ANO2: variants seen among roughly 807,000 people sequenced by gnomAD.
ANO2 encodes the protein anoctamin-2.
Under a neutral mutation model 124.2 loss-of-function variants are expected in ANO2, and 101 were observed. The ratio of observed to expected loss-of-function variants is 0.81; its 90% confidence interval spans 0.69 to 0.96. ANO2 has a LOEUF of 0.96. Ranked by LOEUF, ANO2 falls within the 40% of genes least tolerant of loss-of-function variation. The probability of loss-of-function intolerance (pLI) is 0.00; values close to 1 mark genes in which losing one functional copy is unlikely to be tolerated. For missense variants in ANO2, 1,293 were observed against 1,274.5 expected, an observed-to-expected ratio of 1.01 and a Z score of -0.22; for synonymous variants, 486 against 482.5, an observed-to-expected ratio of 1.01 and a Z score of -0.09.
At chr12:5,827,966 G>T in intron 6 of ANO2, 146 bp from the exon 7 acceptor site, 1 of 799,782 alleles carries the variant, frequency 1.3e-6, no homozygotes, top group Non-Finnish European at 2.0e-6. Context: ...CTGGCTCATG[G>T]CCCGCACATC....
At chr12:5,708,716 T>C (rs1044136823) in intron 14 of ANO2, among the ~76,000 whole-genome samples, 3 of 152,218 alleles carry the variant, frequency 2.0e-5, no homozygotes, top group Non-Finnish European at 4.4e-5. Context: ...AGATTAAAAC[T>C]GCTTCAAACA....
chr12:5,584,799 G>A (rs1565440216), intron 20 of ANO2, among the ~76,000 whole-genome samples: 1 of 152,148 alleles, frequency 6.6e-6, no homozygotes, highest in Non-Finnish European at 1.5e-5. Context: ...TCCTCAGCAT[G>A]GGCCTCCATT....
At chr12:5,910,657 A>G (rs1223389866) in intron 3 of ANO2, among the ~76,000 whole-genome samples, 1 of 152,190 alleles carries the variant, frequency 6.6e-6, no homozygotes, top group Non-Finnish European at 1.5e-5. Context: ...CAAAACCCTC[A>G]AGATTCAAGA....
chr12:5,822,211 G>A (rs1953823265), intron 7 of ANO2, among the ~76,000 whole-genome samples: 1 of 152,240 alleles, frequency 6.6e-6, no homozygotes, highest in Non-Finnish European at 1.5e-5. Context: ...TTCACGGGCT[G>A]TAGCCAATGG....
intron 14 of ANO2, among the ~76,000 whole-genome samples, chr12:5,694,336 G>A (rs1029627815): frequency 6.6e-6 from 1 of 151,382 alleles, no homozygotes; most frequent in Non-Finnish European, 1.5e-5. Flanking sequence ...GAGAGAGAAG[G>A]AGAAAGCCAC....
chr12:5,900,645 T>A lies in ANO2; in HGVS notation c.534+20395A>T, dbSNP rs1591763080. Among the ~76,000 whole-genome samples, 1 of 151,272 alleles carries A rather than the reference T, an allele frequency of 6.6e-6. No individual in the cohort carries two copies. The highest frequency in any genetic ancestry group is 2.1e-4 in the South Asian group (1 of 4,786). On this transcript the variant is annotated intron_variant, in intron 3 of 24. Transcript: ENST00000682330. This position sits in a 1 kb window ranked among gnomAD's most constrained non-coding sequence, Gnocchi z 4.2. The stretch of plus-strand genomic sequence containing the variant: ...GGGGAGCATTTGCTCTACCTCCGCA[T>A]TTAACGTGTGGTCCCTGCCATCCTG...
chr12:5,892,801 T>A (rs1253969640), intron 3 of ANO2, among the ~76,000 whole-genome samples: 1 of 152,056 alleles, frequency 6.6e-6, no homozygotes, highest in Non-Finnish European at 1.5e-5. Context: ...AAAAGGAAAA[T>A]GTACCAAAAG....
chr12:5,572,512 G>C (rs914856660), intron 23 of ANO2, among the ~76,000 whole-genome samples: 2 of 152,178 alleles, frequency 1.3e-5, no homozygotes, highest in Non-Finnish European at 2.9e-5. Flanking sequence ...TTAGCTCTCT[G>C]CTGTTGCCCT....
rs150571697 is a variant in ANO2, at chr12:5,692,811, G to A, written c.1545+39709C>T. The stretch of plus-strand genomic sequence containing the variant: ...AGTTCATGAGGCAGACAGTGTGAGG[G>A]AACGCTTCCGCCAGGCAAAGGAAAA... On this transcript the variant is annotated intron_variant, in intron 14 of 24. Coordinates refer to ENST00000682330, the MANE Select transcript of ANO2 (RefSeq NM_001364791.2). 1.1e-3 allele frequency among the ~76,000 whole-genome samples: 172 copies of A among 152,330 alleles called. 2 individuals are homozygous for A. In the Middle Eastern group the frequency reaches 0.017, roughly 15 times the overall value.
chr12:5,725,515 A>G (rs1325583601), intron 14 of ANO2, among the ~76,000 whole-genome samples: 6 of 152,188 alleles, frequency 3.9e-5, no homozygotes, highest in African/African-American at 1.2e-4. Flanking sequence ...CCCAAAAACT[A>G]TATTTCCTTG....
intron 14 of ANO2, among the ~76,000 whole-genome samples, chr12:5,668,915 T>C (rs1182673757): frequency 6.6e-6 from 1 of 152,184 alleles, no homozygotes; most frequent in African/African-American, 2.4e-5. Flanking sequence ...GTGCCTTTTT[T>C]TGTACCAGCA....
intron 14 of ANO2, among the ~76,000 whole-genome samples, chr12:5,687,192 TGCCTCCACTTATTA>T (rs1948743934): frequency 2.6e-5 from 4 of 152,372 alleles, no homozygotes; most frequent in Non-Finnish European, 5.9e-5. Context: ...GACAAGGCGC[TGCCTCCACTTATTA>T]GAATTACACA....
At chr12:5,781,587 T>A (rs1952396706) in intron 10 of ANO2, among the ~76,000 whole-genome samples, 1 of 152,276 alleles carries the variant, frequency 6.6e-6, no homozygotes, top group South Asian at 2.1e-4. Flanking sequence ...TTCTTTTTCA[T>A]ACTTGCTAAT....
At chr12:5,840,562 G>T (rs1393229634) in intron 4 of ANO2, among the ~76,000 whole-genome samples, 1 of 152,098 alleles carries the variant, frequency 6.6e-6, no homozygotes, top group African/African-American at 2.4e-5. Context: ...CACAAACATT[G>T]GGAGATCCAA....
At position 5,732,933 on chromosome 12, in the gene ANO2, T is replaced by C. The variant is rs1950705873; in HGVS notation, c.1435-303A>G. ...GAGGAAATGTTAACTGGATGGCTGA[T>C]ACGAAGAGGGGCCCAGTGCTTTGCA... On this transcript the variant is annotated intron_variant, in intron 13 of 24. Transcript: ENST00000682330. 2.5e-6 allele frequency: 4 copies of C among 1,606,898 alleles called. No individual in the cohort carries two copies. In the Admixed American group the frequency reaches 6.7e-5, roughly 27 times the overall value.
At chr12:5,739,596 T>TACACACACACACAC (rs71064167) in intron 12 of ANO2, among the ~76,000 whole-genome samples, 197 bp from the exon 13 acceptor site, 6,274 of 145,090 alleles carry the variant, frequency 0.043, 206 homozygotes, top group Non-Finnish European at 0.062. Context: ...ATAGATATGT[T>TACACACACACACAC]ACACACACAC....
intron 7 of ANO2, among the ~76,000 whole-genome samples, chr12:5,825,195 T>A (rs1407321870): frequency 6.6e-6 from 1 of 152,200 alleles, no homozygotes; most frequent in Non-Finnish European, 1.5e-5. Flanking sequence ...CTCATGCTCA[T>A]GGAATTCACT....
upstream of ANO2, among the ~76,000 whole-genome samples, chr12:5,945,454 G>A (rs1943066589): frequency 6.6e-6 from 1 of 152,214 alleles, no homozygotes; most frequent in Non-Finnish European, 1.5e-5. Context: ...ATGGAGCGCG[G>A]TCCCGCGGCC....
At chr12:5,829,914 T>G (rs1377874093) in intron 6 of ANO2, among the ~76,000 whole-genome samples, 1 of 152,194 alleles carries the variant, frequency 6.6e-6, no homozygotes, top group Non-Finnish European at 1.5e-5. Context: ...GTGATATTAT[T>G]CTTGCGCAAA....
Sources: gnomAD v4.1 joint callset for allele counts (sites outside exome capture counted in the v4.1 genomes callset) on GRCh38, gnomAD v4.1.1 for gene constraint, Gnocchi (gnomAD v3.1) non-coding constraint, MANE v1.5 for transcripts, NCBI Gene and HGNC (gene_info 2026-07-23, HGNC 2026-07-21) for gene names.